SPTBN5: variants seen among roughly 807,000 people sequenced by gnomAD.
The protein encoded by SPTBN5 is spectrin beta chain, non-erythrocytic 5.
Under a neutral mutation model 477.6 loss-of-function variants are expected in SPTBN5, and 513 were observed. That is an observed-to-expected ratio of 1.07 (90% CI 1.00 to 1.16). The LOEUF is 1.16. SPTBN5 is among the 50% of genes most tolerant of loss of function. The probability of loss-of-function intolerance (pLI) is 0.00; values close to 1 mark genes in which losing one functional copy is unlikely to be tolerated. For synonymous variants in SPTBN5, 2,169 were observed against 2,011.7 expected (o/e 1.08, Z -2.09); for missense variants, 5,062 against 4,731.8 (o/e 1.07, Z -2.05).
Position 41,876,896 on chromosome 15 carries a change from C to A in SPTBN5, c.3764G>T (p.Arg1255Leu), listed in dbSNP as rs757237936. The change falls in exon 19 of 68, where the codon CGG (arginine) becomes CTG (leucine). Residue 1255 changes from arginine (R) to leucine (L), a missense_variant. By Grantham distance (102) the Arg-to-Leu change is moderately radical (BLOSUM62 -2). Coordinates refer to ENST00000320955, the MANE Select transcript of SPTBN5 (RefSeq NM_016642.4). The stretch of plus-strand genomic sequence containing the variant: ...CCGAGGCCCCAGGGTGCTCAGGAGC[C>A]GCCCAAACTCCCGGTGCTGCTGCAG... Reference protein sequence around the residue: ...SLLQQHREFGRLLSTLGPRAE... With the variant: ...SLLQQHREFGLLLSTLGPRAE... 2.5e-6 allele frequency: 4 copies of A among 1,610,454 alleles called. No homozygotes were observed. Among genetic ancestry groups the A allele is most frequent in the African/African-American group, 1.3e-5 (1 of 74,942 alleles).
At position 41,864,001 on chromosome 15, in the gene SPTBN5, G is replaced by A; in HGVS notation, c.6942C>T (p.Ile2314=). The change falls in exon 40 of 68, where the codon ATC becomes ATT. Residue 2314 remains isoleucine, a synonymous_variant. Coordinates refer to ENST00000320955, the MANE Select transcript of SPTBN5 (RefSeq NM_016642.4). The part of the protein sequence containing the change: ...SAGDTVGDAC[I]RSISDLSLQL... ...GCAGTGACAAGTCACTGATGCTCCT[G>A]ATGCAGGCATCACCCACTGTGTCCT... 1 of 1,613,528 alleles carries A rather than the reference G, an allele frequency of 6.2e-7. No homozygotes were observed. The highest frequency in any genetic ancestry group is 2.2e-5 in the East Asian group (1 of 44,888).
In SPTBN5 at chr15:41,879,375, G is replaced by A; in HGVS notation, c.3067C>T (p.Leu1023=). The A allele has an allele frequency of 6.2e-7, 1 of 1,610,440 alleles. No homozygotes were observed. The highest frequency in any genetic ancestry group is 8.5e-7 in the Non-Finnish European group (1 of 1,179,844). The change falls in exon 16 of 68, where the codon CTG becomes TTG. Residue 1023 remains leucine, a synonymous_variant. Coordinates refer to ENST00000320955, the MANE Select transcript of SPTBN5 (RefSeq NM_016642.4). The part of the protein sequence containing the change: ...QVQLRDVLLQ[L]EALQPGSSED... ...GAGCTCCCTGGCTGCAGGGCCTCCA[G>A]CTGGAGGAGCACGTCTCGCAGCTGG...
chr15:41,862,528 C>A lies in SPTBN5; in HGVS notation c.7385+11G>T. Reference sequence around the variant, plus strand: ...GATGGGTCGGCGAGGGCAAGGCCTGCGGGTTCATACCGCTTCTGGGCCCTG... The same window carrying A: ...GATGGGTCGGCGAGGGCAAGGCCTGAGGGTTCATACCGCTTCTGGGCCCTG... On this transcript the variant is annotated intron_variant, in intron 43 of 67. Transcript: ENST00000320955. The A allele has an allele frequency of 1.4e-5, 22 of 1,576,176 alleles. No homozygotes were observed. The highest frequency in any genetic ancestry group is 1.7e-5 in the Non-Finnish European group (20 of 1,159,480).
chr15:41,883,983 A>ATTTTT (rs1439904253), intron 7 of SPTBN5, among the ~76,000 whole-genome samples: 8 of 150,172 alleles, frequency 5.3e-5, no homozygotes, highest in African/African-American at 2.0e-4. Flanking sequence ...TTTTATTTTT[A>ATTTTT]TTTTTTATTT....
chr15:41,886,055 C>T lies in SPTBN5; in HGVS notation c.1200G>A (p.Trp400Ter). 6.3e-7 allele frequency: 1 copy of T among 1,587,984 alleles called. No homozygotes were observed. The highest frequency in any genetic ancestry group is 8.6e-7 in the Non-Finnish European group (1 of 1,165,728). The change falls in exon 7 of 68, where the codon TGG becomes TGA. Residue 400 changes from tryptophan (W) to a stop codon, truncating the protein, a stop_gained. Coordinates refer to ENST00000320955, the MANE Select transcript of SPTBN5 (RefSeq NM_016642.4). LOFTEE classifies it high-confidence loss of function. ...GLGLAELSQC[W>*]AGLEWAEAAR... ...CAGCCTCTGCCCACTCCAGCCCTGC[C>T]CAGCACTGGGACAGCTCTGCAAGGC... is the stretch of plus-strand genomic sequence containing the variant.
chr15:41,887,985 T>G lies in SPTBN5; in HGVS notation c.602A>C (p.Asp201Ala). The G allele has an allele frequency of 6.2e-7, 1 of 1,605,876 alleles. No homozygotes were observed. Among genetic ancestry groups the G allele is most frequent in the Non-Finnish European group, 8.5e-7 (1 of 1,176,546 alleles). ...TASYTNVNITDFSRSWSDGLG... is the reference protein window; with the variant it reads ...TASYTNVNITAFSRSWSDGLG... ...CCCATCGCTCCAGCTTCGGGAGAAA[T>G]CTGTAATGTTCACGTTGGTGTAGCT... Residue 201 changes from aspartate to alanine, a missense_variant, in exon 5 of 68, where the codon GAT becomes GCT. Transcript: ENST00000320955.
Position 41,876,655 on chromosome 15 carries a change from G to GC in SPTBN5, c.3852-9dup, listed in dbSNP as rs1555467558. ...TGCAGCTGCTCTCTGACCCTGGAGGGCGGGGGGGGGTTGGAGGAGGGCATG... is the reference window on the plus strand; with the variant it reads ...TGCAGCTGCTCTCTGACCCTGGAGGGCCGGGGGGGGGTTGGAGGAGGGCATG... On this transcript the variant is annotated splice_polypyrimidine_tract_variant and intron_variant, in intron 19 of 67. Transcript: ENST00000320955. 3.2e-5 allele frequency: 46 copies of GC among 1,447,736 alleles called. No homozygotes were observed. Among genetic ancestry groups the GC allele is most frequent in the Non-Finnish European group, 4.3e-5 (45 of 1,057,548 alleles). The allele number at this position is 1,447,736 out of a possible 1,614,324, so 89.7% of individuals were successfully genotyped here.
rs534103161 is a variant in SPTBN5 at position 41,853,819 on chromosome 15, C to A, written c.9775-32G>T. ...CCAGAGCATGAGATCAGGCCTCAGT[C>A]CCCCCACTGAGCCGATGCGTGCTCT... On this transcript the variant is annotated intron_variant, in intron 57 of 67. Transcript: ENST00000320955. 119 of 1,520,446 alleles carry A rather than the reference C, an allele frequency of 7.8e-5. 2 individuals carry two copies. In the South Asian group the frequency reaches 1.3e-3, roughly 17 times the overall value. The allele number at this position is 1,520,446 out of a possible 1,614,324, so 94.2% of individuals were successfully genotyped here.
At position 41,874,904 on chromosome 15, in the gene SPTBN5, G is replaced by A. The variant is rs2066670440; in HGVS notation, c.4440C>T (p.Ser1480=). 4 of 1,613,098 alleles carry A rather than the reference G, an allele frequency of 2.5e-6. 1 individual carries two copies. In the South Asian group the frequency reaches 3.3e-5, roughly 13 times the overall value. Residue 1480 remains serine (S), a synonymous_variant, in exon 23 of 68, where the codon TCC becomes TCT. Coordinates refer to ENST00000320955, the MANE Select transcript of SPTBN5 (RefSeq NM_016642.4). Reference sequence around the variant, plus strand: ...GGGAGGCGGCCATGCCATGGGCCATGGAGGCGAGGGCAGCCATCTTGGCAG... The same window carrying A: ...GGGAGGCGGCCATGCCATGGGCCATAGAGGCGAGGGCAGCCATCTTGGCAG... ...TLAAKMAALA[S]MAHGMAASPA... is the part of the protein sequence containing the mutation.
intron 10 of SPTBN5, 35 bp downstream of exon 10, chr15:41,882,550 C>T: frequency 6.3e-7 from 1 of 1,596,402 alleles, no homozygotes; most frequent in Non-Finnish European, 8.5e-7. Context: ...GGGCAAGGCG[C>T]TGGCGACCGG....
intron 66 of SPTBN5, 136 bp from the exon 67 acceptor site, chr15:41,850,095 T>C (rs1359764571): frequency 1.4e-6 from 1 of 727,212 alleles, no homozygotes; most frequent in Non-Finnish European, 2.4e-6. Context: ...CCTTCCCACG[T>C]GGGGGTGTGG....
At position 41,885,997 on chromosome 15, in the gene SPTBN5, G is replaced by A; in HGVS notation, c.1258C>T (p.Gln420Ter). ...RSQALQQRLL[Q>*]LQRLETLARR... is the part of the protein sequence containing the mutation. ...GCCAGGGTTTCTAGCCGCTGCAGCT[G>A]CAGTAGCCTCTGCTGCAGGGCCTGG... The change falls in exon 7 of 68, where the codon CAG (glutamine) becomes TAG (stop). Residue 420 changes from glutamine to a stop codon, truncating the protein, a stop_gained. Transcript: ENST00000320955. LOFTEE classifies it high-confidence loss of function. 1 of 1,550,152 alleles carries A rather than the reference G, an allele frequency of 6.5e-7. No homozygotes were observed. The highest frequency in any genetic ancestry group is 8.7e-7 in the Non-Finnish European group (1 of 1,149,466).
rs1172576467 is a variant in SPTBN5, at chr15:41,881,996, G to A, written c.2397C>T (p.Ala799=). 1.6e-5 allele frequency: 24 copies of A among 1,536,024 alleles called. No individual in the cohort carries two copies. The highest frequency in any genetic ancestry group is 2.3e-4 in the Middle Eastern group (1 of 4,364). The stretch of plus-strand genomic sequence containing the variant: ...CCTGCTCCTCCAGCCGCCGCAGCTC[G>A]GCCGCGAAGGCGCGCAGGACGCGCT... ...RLERVLRAFA[A]ELRRLEEQGR... is the part of the protein sequence containing the mutation. Residue 799 remains alanine (A), a synonymous_variant, in exon 12 of 68, where the codon GCC becomes GCT. Transcript: ENST00000320955.
intron 17 of SPTBN5, among the ~76,000 whole-genome samples, chr15:41,877,853 G>C (rs2066797371): frequency 1.3e-5 from 2 of 152,212 alleles, no homozygotes. Flanking sequence ...TTCAGGAGGG[G>C]CACAGCCTGT....
intron 32 of SPTBN5, 137 bp from the exon 33 acceptor site, chr15:41,868,738 CA>C: frequency 1.4e-6 from 1 of 736,096 alleles, no homozygotes; most frequent in South Asian, 1.7e-5. Context: ...TCGGGTGAGG[CA>C]CATGTGGCCC....
rs551883865 is a variant in SPTBN5, at chr15:41,877,342, T to G, written c.3485A>C (p.Asp1162Ala). The G allele has an allele frequency of 1.9e-5, 30 of 1,608,184 alleles. No individual in the cohort carries two copies. In the East Asian group the frequency reaches 6.7e-4, roughly 36 times the overall value. ...GGCTGCCATGGGCTGGCTCTGAGCGTCCAGCTGCTGCAGCCTGACCAGGAT... is the reference window on the plus strand; with the variant it reads ...GGCTGCCATGGGCTGGCTCTGAGCGGCCAGCTGCTGCAGCCTGACCAGGAT... Reference protein sequence around the residue: ...HLWQERLQQLDAQSQPMAALD... With the variant: ...HLWQERLQQLAAQSQPMAALD... The change falls in exon 18 of 68, where the codon GAC becomes GCC. Residue 1162 changes from aspartate to alanine, a missense_variant. Physicochemically the swap from Asp to Ala is moderately radical, Grantham distance 126. Transcript: ENST00000320955.
In SPTBN5 at chr15:41,852,293, CT is replaced by C; in HGVS notation, c.10472del (p.Gln3491ArgfsTer5). 1 of 1,596,158 alleles carries C rather than the reference CT, an allele frequency of 6.3e-7. No homozygotes were observed. The highest frequency in any genetic ancestry group is 8.5e-7 in the Non-Finnish European group (1 of 1,171,302). ...CTCTCCCGGGCTTCAGCTCCTGTGG[CT>C]GCAGCAGGAGCTCCTGTTCCATCTT... The part of the protein sequence containing the change: ...KTEMEQELLL[Q>X]PQELKPGRAG... On this transcript the variant is annotated frameshift_variant, in exon 62 of 68. Coordinates refer to ENST00000320955, the MANE Select transcript of SPTBN5 (RefSeq NM_016642.4). LOFTEE classifies it high-confidence loss of function.
intron 47 of SPTBN5, among the ~76,000 whole-genome samples, chr15:41,860,208 A>G (rs897974688): frequency 6.6e-6 from 1 of 152,178 alleles, no homozygotes; most frequent in African/African-American, 2.4e-5. Context: ...AACTTGTCTG[A>G]GTCCTGCCAT....
rs374058564 is a variant in SPTBN5 at position 41,853,261 on chromosome 15, C to T, written c.10167G>A (p.Ala3389=). 4.1e-5 allele frequency: 65 copies of T among 1,598,450 alleles called. No homozygotes were observed. The highest frequency in any genetic ancestry group is 5.3e-5 in the African/African-American group (4 of 74,790). Residue 3389 remains alanine, a synonymous_variant, in exon 59 of 68, where the codon GCG becomes GCA. Coordinates refer to ENST00000320955, the MANE Select transcript of SPTBN5 (RefSeq NM_016642.4). ...GGCCCACCCTCTGAGTTCACACCTC[C>T]GCAGACATGAAGTGGCTGTTGTCCA... The part of the protein sequence containing the change: ...QLVDNSHFMS[A]EVTECLQELE...
Sources: allele counts gnomAD v4.1 joint callset (sites outside exome capture counted in the v4.1 genomes callset), GRCh38; gene constraint gnomAD v4.1.1; transcripts MANE v1.5; gene names NCBI Gene and HGNC (gene_info 2026-07-23, HGNC 2026-07-21).